Variants in CLN8 observed in about 807,000 individuals in gnomAD.
CLN8 encodes the protein CLN8 transmembrane ER and ERGIC protein.
CLN8 carries 14 observed loss-of-function variants against 15.7 expected under a neutral mutation model. The observed-to-expected ratio is 0.89, with a 90% CI of 0.59 to 1.39. The LOEUF is 1.39. CLN8 is among the 40% of genes most tolerant of loss of function. The pLI is 0.00. For synonymous variants in CLN8, 188 were observed against 151.0 expected (o/e 1.25, Z -1.80); for missense variants, 415 against 364.0 (o/e 1.14, Z -1.14).
chr8:1,763,793 G>C lies in CLN8; in HGVS notation c.-216G>C, dbSNP rs1490898842. 12 of 150,536 alleles carry C rather than the reference G, an allele frequency of 8.0e-5. No individual in the cohort carries two copies. Among genetic ancestry groups the C allele is most frequent in the Admixed American group, 7.3e-4 (11 of 15,166 alleles). 9.3% of individuals were successfully genotyped at this position (150,536 alleles called of 1,614,324 possible). A position where few individuals can be genotyped will look rare whatever the true frequency, so the allele number is the denominator to read the frequency against. On this transcript the variant is annotated 5_prime_UTR_variant, in exon 1 of 3. Transcript: ENST00000331222. ...GGGCGGTGTTTGAGGCCGGCCAGTCGTGACTGGGCGGCAATGAGGTCAGTG... is the reference window on the plus strand; with the variant it reads ...GGGCGGTGTTTGAGGCCGGCCAGTCCTGACTGGGCGGCAATGAGGTCAGTG...
Position 1,775,862 on chromosome 8 carries a change from C to T in CLN8, c.543+4265C>T, listed in dbSNP as rs190849378. ...GCTCTCTTGAGGAGCAATGAGCACT[C>T]TTGCAGGCCCTGTGCCAGGTGCCGG... is the stretch of plus-strand genomic sequence containing the variant. On this transcript the variant is annotated intron_variant, in intron 2 of 2. Coordinates refer to ENST00000331222, the MANE Select transcript of CLN8 (RefSeq NM_018941.4). Among the ~76,000 whole-genome samples, 3 of 152,378 alleles carry T rather than the reference C, an allele frequency of 2.0e-5. No homozygotes were observed. In the East Asian group the frequency reaches 5.8e-4, roughly 29 times the overall value.
At position 1,771,053 on chromosome 8, in the gene CLN8, C is replaced by A; in HGVS notation, c.-2C>A. 2 of 1,613,948 alleles carry A rather than the reference C, an allele frequency of 1.2e-6. No homozygotes were observed. The highest frequency in any genetic ancestry group is 2.2e-5 in the South Asian group (2 of 91,072). On this transcript the variant is annotated 5_prime_UTR_variant, in exon 2 of 3. Transcript: ENST00000331222. ...GACTCCTTTGGAATATAGCTGTGGA[C>A]AATGAATCCTGCGAGCGATGGGGGC...
At chr8:1,762,238 G>C (rs4876133), upstream of CLN8, 107,948 of 152,024 alleles carry the variant, frequency 0.71, 38,487 homozygotes, top group South Asian at 0.77. Context: ...CCAGGCTAGA[G>C]TGCCATGGCG....
intron 1 of CLN8, among the ~76,000 whole-genome samples, chr8:1,767,949 C>CTT (rs56109121): frequency 2.1e-5 from 3 of 144,716 alleles, no homozygotes; most frequent in Non-Finnish European, 3.0e-5. Context: ...TTCTTTCTTT[C>CTT]TTTTTTTTTT....
At chr8:1,777,316 G>A (rs12679104) in intron 2 of CLN8, among the ~76,000 whole-genome samples, 2 of 152,186 alleles carry the variant, frequency 1.3e-5, no homozygotes, top group African/African-American at 4.8e-5. Context: ...GGAGCTTGCA[G>A]GACTGGAAGC....
In CLN8 at chr8:1,770,676, C is replaced by T. The variant is rs1297976376; in HGVS notation, c.-123-256C>T. The stretch of plus-strand genomic sequence containing the variant: ...ACTTGCTGGTGGGGTGCACATAGGA[C>T]GAGCATAGGACCGTGTGTTCCTGCC... On this transcript the variant is annotated intron_variant, in intron 1 of 2. Coordinates refer to ENST00000331222, the MANE Select transcript of CLN8 (RefSeq NM_018941.4). 3.3e-5 allele frequency among the ~76,000 whole-genome samples: 5 copies of T among 152,128 alleles called. No individual in the cohort carries two copies. In the East Asian group the frequency reaches 7.7e-4, roughly 23 times the overall value.
intron 2 of CLN8, among the ~76,000 whole-genome samples, chr8:1,775,576 T>C (rs1801479574): frequency 6.6e-6 from 1 of 152,254 alleles, no homozygotes; most frequent in Non-Finnish European, 1.5e-5. Context: ...TGCATTCTGA[T>C]ATTACTATTG....
chr8:1,773,719 A>G (rs926531425), intron 2 of CLN8: 1 of 152,330 alleles, frequency 6.6e-6, no homozygotes, highest in Non-Finnish European at 1.5e-5. Context: ...TGTGGAGTGG[A>G]GAGGTGTGTG....
intron 1 of CLN8, among the ~76,000 whole-genome samples, chr8:1,768,056 G>C (rs1480997541): frequency 6.6e-6 from 1 of 151,596 alleles, no homozygotes; most frequent in African/African-American, 2.4e-5. Context: ...AAATTCTCCT[G>C]CCTCAGCCTC....
intron 2 of CLN8, among the ~76,000 whole-genome samples, chr8:1,775,583 A>C (rs10100341): frequency 1.3e-5 from 2 of 152,054 alleles, no homozygotes; most frequent in South Asian, 4.1e-4. Context: ...TGATATTACT[A>C]TTGGTAATTT....
intron 1 of CLN8, chr8:1,758,097 C>T (rs376521658): frequency 6.6e-6 from 1 of 152,158 alleles, no homozygotes; most frequent in African/African-American, 2.4e-5. Context: ...GAGTGTCCCG[C>T]ATGCAAGCCA....
intron 1 of CLN8, chr8:1,758,631 T>C (rs1800725163): frequency 6.6e-6 from 1 of 152,216 alleles, no homozygotes; most frequent in African/African-American, 2.4e-5. Context: ...TGCCAATCGA[T>C]ACATGTAAGG....
rs868678220 is a variant in CLN8 at position 1,785,286 on chromosome 8, C to A, written c.*4719C>A. 4 of 185,408 alleles carry A rather than the reference C, an allele frequency of 2.2e-5. No individual in the cohort carries two copies. The South Asian group carries it at 3.1e-4, about 14-fold the overall frequency. 11.5% of individuals were successfully genotyped at this position (185,408 alleles called of 1,614,324 possible). A position where few individuals can be genotyped will look rare whatever the true frequency, so the allele number is the denominator to read the frequency against. On this transcript the variant is annotated 3_prime_UTR_variant, in exon 3 of 3. Transcript: ENST00000331222. ...AGGCGGCGTGGGGTTAGACAGGTAC[C>A]GGTCAGACTACGGTGACACAGGCGG...
chr8:1,769,075 C>A (rs968128962), intron 1 of CLN8, among the ~76,000 whole-genome samples: 15 of 152,180 alleles, frequency 9.9e-5, no homozygotes, highest in Non-Finnish European at 2.1e-4. Flanking sequence ...AGTACCAGTG[C>A]TGTCTTTCCC....
At chr8:1,761,351 G>A (rs1424372356), upstream of CLN8, among the ~76,000 whole-genome samples, 1 of 151,934 alleles carries the variant, frequency 6.6e-6, no homozygotes, top group East Asian at 1.9e-4. Flanking sequence ...TTGAGATGGA[G>A]TCTTGCTCTG....
chr8:1,765,483 T>C (rs966857409), intron 1 of CLN8, among the ~76,000 whole-genome samples: 7 of 152,256 alleles, frequency 4.6e-5, no homozygotes, highest in African/African-American at 1.7e-4. Flanking sequence ...GTATTAAACA[T>C]GTATTTCTGT....
Position 1,782,114 on chromosome 8 carries a change from C to T in CLN8, c.*1547C>T, listed in dbSNP as rs1801725707. On this transcript the variant is annotated 3_prime_UTR_variant, in exon 3 of 3. Coordinates refer to ENST00000331222, the MANE Select transcript of CLN8 (RefSeq NM_018941.4). ...CTTACGTTCCTTATGTTTTATGGAA[C>T]TCTCGGAACAGTGTTTTGTTTTTGT... 1 of 152,122 alleles carries T rather than the reference C, an allele frequency of 6.6e-6. No homozygotes were observed. Among genetic ancestry groups the T allele is most frequent in the South Asian group, 2.1e-4 (1 of 4,820 alleles). The allele number at this position is 152,122 out of a possible 1,614,324, so 9.4% of individuals were successfully genotyped here. A position where few individuals can be genotyped will look rare whatever the true frequency, so the allele number is the denominator to read the frequency against.
At chr8:1,773,067 C>T (rs1801377083) in intron 2 of CLN8, 1 of 397,118 alleles carries the variant, frequency 2.5e-6, no homozygotes, top group Admixed American at 4.4e-5. Context: ...CCATGGACAC[C>T]AGCCGGGTGT....
chr8:1,771,727 T>G, intron 2 of CLN8, 130 bp downstream of exon 2: 1 of 804,446 alleles, frequency 1.2e-6, no homozygotes, highest in Non-Finnish European at 2.1e-6. Flanking sequence ...ACAAACTCAT[T>G]TTAGTTGAAT....
Sources: allele counts gnomAD v4.1 joint callset (sites outside exome capture counted in the v4.1 genomes callset), GRCh38; gene constraint gnomAD v4.1.1; transcripts MANE v1.5; gene names NCBI Gene and HGNC (gene_info 2026-07-23, HGNC 2026-07-21).